The following TRMT6 variants were observed in gnomAD, a reference collection of about 807,000 sequenced individuals.
TRMT6 encodes tRNA (adenine(58)-N(1))-methyltransferase non-catalytic subunit TRM6.
Under a neutral mutation model 59.0 loss-of-function variants are expected in TRMT6, and 34 were observed. The observed-to-expected ratio is 0.58, with a 90% confidence interval of 0.44 to 0.77. TRMT6 has a LOEUF of 0.77. Among genes scored for constraint, TRMT6 ranks in the 30% least tolerant of loss-of-function variants. The pLI, the probability that TRMT6 is intolerant of heterozygous loss-of-function variation, is 0.00. For synonymous variants in TRMT6, 217 were observed against 210.5 expected, an observed-to-expected ratio of 1.03 and a Z score of -0.27; for missense variants, 575 against 604.5, an observed-to-expected ratio of 0.95 and a Z score of 0.51.
At chr20:5,943,167 T>G (rs2088674172) in intron 6 of TRMT6, among the ~76,000 whole-genome samples, 1 of 140,598 alleles carries the variant, frequency 7.1e-6, no homozygotes. Flanking sequence ...CAAATCAGGC[T>G]GTGTTGTATT....
chr20:5,943,348 T>C (rs1163318839), intron 6 of TRMT6, among the ~76,000 whole-genome samples: 1 of 152,082 alleles, frequency 6.6e-6, no homozygotes, highest in Non-Finnish European at 1.5e-5. Context: ...GAAAGGACAA[T>C]TGCCATGGGT....
rs372447947 is a variant in TRMT6, at chr20:5,950,264, G to T, written c.128+14C>A. Reference sequence around the variant, plus strand: ...TGGGGGCGGGAGACCCCTAAAATCAGCGATCTGACTTACTTTCTCCGCTGG... The same window carrying T: ...TGGGGGCGGGAGACCCCTAAAATCATCGATCTGACTTACTTTCTCCGCTGG... On this transcript the variant is annotated intron_variant, in intron 1 of 10. Coordinates refer to ENST00000203001, the MANE Select transcript of TRMT6 (RefSeq NM_015939.5). 4 of 1,592,816 alleles carry T rather than the reference G, an allele frequency of 2.5e-6. No homozygotes were observed. The Middle Eastern group carries it at 5.0e-4, about 199-fold the overall frequency.
Position 5,941,049 on chromosome 20 carries a change from G to A in TRMT6, c.1302+4C>T, listed in dbSNP as rs748303183. 5.8e-5 allele frequency: 94 copies of A among 1,612,136 alleles called. No homozygotes were observed. Among genetic ancestry groups the A allele is most frequent in the Non-Finnish European group, 7.6e-5 (89 of 1,178,280 alleles). ...CTCTTGGGACTGGCTGTAAGAACACGTACCTGATAATTTCTGAGCCAGGTT... is the reference window on the plus strand; with the variant it reads ...CTCTTGGGACTGGCTGTAAGAACACATACCTGATAATTTCTGAGCCAGGTT... On this transcript the variant is annotated splice_donor_region_variant and intron_variant, in intron 10 of 10. Coordinates refer to ENST00000203001, the MANE Select transcript of TRMT6 (RefSeq NM_015939.5).
intron 8 of TRMT6, 113 bp downstream of exon 8, chr20:5,941,838 C>T: frequency 1.1e-6 from 1 of 913,570 alleles, no homozygotes; most frequent in South Asian, 1.6e-5. Context: ...AGACAAAATC[C>T]TCATCTCGGG....
chr20:5,942,406 T>G (rs1441713512), intron 7 of TRMT6, 22 bp downstream of exon 7: 2 of 1,594,246 alleles, frequency 1.3e-6, no homozygotes, highest in Non-Finnish European at 8.6e-7. Context: ...ATGGGGGTGG[T>G]GGGGACTCTT....
chr20:5,947,820 C>G (rs747023860), intron 1 of TRMT6, among the ~76,000 whole-genome samples: 34 of 152,052 alleles, frequency 2.2e-4, no homozygotes, highest in Non-Finnish European at 4.6e-4. Flanking sequence ...CTGTGGGAGG[C>G]CAGGTGGGTC....
chr20:5,942,809 C>T, intron 6 of TRMT6, 23 bp from the exon 7 acceptor site: 1 of 1,582,720 alleles, frequency 6.3e-7, no homozygotes, highest in Non-Finnish European at 8.6e-7. Context: ...AAGAAACAAA[C>T]ATCTGCCCGT....
intron 1 of TRMT6, among the ~76,000 whole-genome samples, chr20:5,947,610 T>C (rs568314518): frequency 6.6e-6 from 1 of 152,360 alleles, no homozygotes; most frequent in African/African-American, 2.4e-5. Flanking sequence ...GGCCAATTCT[T>C]GTTATTTGCT....
Position 5,946,519 on chromosome 20 carries a change from T to C in TRMT6, c.143A>G (p.Glu48Gly). 1 of 1,614,150 alleles carries C rather than the reference T, an allele frequency of 6.2e-7. No individual in the cohort carries two copies. The highest frequency in any genetic ancestry group is 8.5e-7 in the Non-Finnish European group (1 of 1,180,010). Residue 48 changes from glutamate (E) to glycine (G), a missense_variant, in exon 2 of 11, where the codon GAA becomes GGA. Coordinates refer to ENST00000203001, the MANE Select transcript of TRMT6 (RefSeq NM_015939.5). ...QVQRRKKVTF[E>G]KQWFYLDNVI... ...GTTATCCAGGTAGAACCACTGTTTT[T>C]CGAAAGTTACTTTTCTAGGGAAAAA... is the stretch of plus-strand genomic sequence containing the variant.
chr20:5,947,917 G>A (rs951355093), intron 1 of TRMT6, among the ~76,000 whole-genome samples: 6 of 152,050 alleles, frequency 3.9e-5, no homozygotes, highest in African/African-American at 1.4e-4. Context: ...CAGGTGTAGT[G>A]GCACACACCT....
In TRMT6 at chr20:5,942,610, T is replaced by G; in HGVS notation, c.844A>C (p.Ser282Arg). ...AKMLSSEPKD[S>R]ALVEESNGTL... is the part of the protein sequence containing the mutation. ...CCATTACTTTCTTCAACCAAAGCACTGTCTTTTGGCTCTGAAGATAACATC... is the reference window on the plus strand; with the variant it reads ...CCATTACTTTCTTCAACCAAAGCACGGTCTTTTGGCTCTGAAGATAACATC... The change falls in exon 7 of 11, where the codon AGT becomes CGT. Residue 282 changes from serine to arginine, a missense_variant. Physicochemically the swap from Ser to Arg is moderately radical, Grantham distance 110. Transcript: ENST00000203001. 1 of 1,614,208 alleles carries G rather than the reference T, an allele frequency of 6.2e-7. No homozygotes were observed. Among genetic ancestry groups the G allele is most frequent in the Non-Finnish European group, 8.5e-7 (1 of 1,180,036 alleles).
intron 5 of TRMT6, 131 bp from the exon 6 acceptor site, chr20:5,943,814 TA>T: frequency 6.6e-7 from 1 of 1,518,622 alleles, no homozygotes. Context: ...GAGGTGACAG[TA>T]AAAGGACTTA....
At chr20:5,940,384 T>C (rs772691275) in intron 10 of TRMT6, among the ~76,000 whole-genome samples, 58 of 152,204 alleles carry the variant, frequency 3.8e-4, no homozygotes, top group Admixed American at 3.6e-3. Flanking sequence ...CAGTTTCTCA[T>C]CCACCTGGGA....
chr20:5,944,209 G>C lies in TRMT6; in HGVS notation c.411C>G (p.Asp137Glu). ...QLIENSTTFR[D>E]KTEFAQDKYI... ...ATTTATCTTGGGCAAATTCTGTCTTGTCTCGGAATGTTGTACTATTTTCAA... is the reference window on the plus strand; with the variant it reads ...ATTTATCTTGGGCAAATTCTGTCTTCTCTCGGAATGTTGTACTATTTTCAA... The change falls in exon 4 of 11, where the codon GAC becomes GAG. Residue 137 changes from aspartate to glutamate, a missense_variant. Transcript: ENST00000203001. 6.4e-7 allele frequency: 1 copy of C among 1,565,108 alleles called. No individual in the cohort carries two copies. Among genetic ancestry groups the C allele is most frequent in the East Asian group, 2.3e-5 (1 of 43,636 alleles).
chr20:5,938,334 AC>A lies in TRMT6; in HGVS notation c.*200del. 1.9e-6 allele frequency: 1 copy of A among 539,188 alleles called. No homozygotes were observed. The highest frequency in any genetic ancestry group is 2.8e-5 in the East Asian group (1 of 35,280). The allele number at this position is 539,188 out of a possible 1,614,324, so 33.4% of individuals were successfully genotyped here. A position where few individuals can be genotyped will look rare whatever the true frequency, so the allele number is the denominator to read the frequency against. ...TTAAATGCAGTTGGTCATACTACAT[AC>A]CCCATGGTTGCAGTTTTGACAGACC... On this transcript the variant is annotated 3_prime_UTR_variant, in exon 11 of 11. Coordinates refer to ENST00000203001, the MANE Select transcript of TRMT6 (RefSeq NM_015939.5).
chr20:5,943,387 G>T (rs1172527571), intron 6 of TRMT6, among the ~76,000 whole-genome samples, 172 bp downstream of exon 6: 1 of 152,194 alleles, frequency 6.6e-6, no homozygotes, highest in East Asian at 1.9e-4. Context: ...GGGGGGCTGG[G>T]TGATGGAGAC....
chr20:5,942,539 GCT>G lies in TRMT6; in HGVS notation c.913_914del (p.Ser305HisfsTer26). The G allele has an allele frequency of 6.2e-7, 1 of 1,614,078 alleles. No homozygotes were observed. The highest frequency in any genetic ancestry group is 1.1e-5 in the South Asian group (1 of 91,068). ...GGTTGCTCTCTGGGGCCTCTGCCAT[GCT>G]GTCTTCATTCTCTTGTTCAGAAGCC... ...KQASEQENEDSMAEAPESNHP... is the reference protein window; with the variant it reads ...KQASEQENEDXMAEAPESNHP... On this transcript the variant is annotated frameshift_variant, in exon 7 of 11. Transcript: ENST00000203001. LOFTEE classifies it high-confidence loss of function.
rs575474127 is a variant in TRMT6 at position 5,941,979 on chromosome 20, C to A, written c.1084G>T (p.Ala362Ser). ...EQRKRHLEAA[A>S]LLSERNADGL... Reference sequence around the variant, plus strand: ...TCTGCGTTTCTTTCACTCAGCAGAGCGGCAGCCTCTAAATGTCTTTTCCTC... The same window carrying A: ...TCTGCGTTTCTTTCACTCAGCAGAGAGGCAGCCTCTAAATGTCTTTTCCTC... The change falls in exon 8 of 11, where the codon GCT (alanine) becomes TCT (serine). Residue 362 changes from alanine to serine, a missense_variant. Transcript: ENST00000203001. 6.2e-7 allele frequency: 1 copy of A among 1,613,474 alleles called. No individual in the cohort carries two copies. Among genetic ancestry groups the A allele is most frequent in the Non-Finnish European group, 8.5e-7 (1 of 1,180,020 alleles).
At chr20:5,941,673 C>T (rs1287504100) in intron 8 of TRMT6, 1 of 540,628 alleles carries the variant, frequency 1.8e-6, no homozygotes, top group African/African-American at 1.9e-5. Flanking sequence ...TGTATCGCAG[C>T]ATTTGAGTGC....
Sources: gnomAD v4.1 joint callset for allele counts (sites outside exome capture counted in the v4.1 genomes callset) on GRCh38, gnomAD v4.1.1 for gene constraint, MANE v1.5 for transcripts, NCBI Gene and HGNC (gene_info 2026-07-23, HGNC 2026-07-21) for gene names.